Variants in NRXN3 observed in about 807,000 individuals in gnomAD.
NRXN3 encodes the protein neurexin 3.
A neutral mutation model predicts 137.6 loss-of-function variants in NRXN3; 32 were observed. The observed-to-expected ratio is 0.23, with a 90% CI of 0.18 to 0.31. The LOEUF is 0.31. NRXN3 is among the 10% of genes least tolerant of loss of function. The pLI is 1.00. For synonymous variants in NRXN3, 798 were observed against 784.5 expected (o/e 1.02, Z -0.29); for missense variants, 1,574 against 2,062.5 (o/e 0.76, Z 4.59).
chr14:79,377,244 T>A (rs2037058627), intron 15 of NRXN3, among the ~76,000 whole-genome samples: 1 of 152,208 alleles, frequency 6.6e-6, no homozygotes, highest in Admixed American at 6.5e-5. Context: ...TTATCAACAA[T>A]GTTTCACAGA....
chr14:79,484,400 A>C (rs1276113846), intron 16 of NRXN3, among the ~76,000 whole-genome samples: 1 of 152,160 alleles, frequency 6.6e-6, no homozygotes, highest in East Asian at 1.9e-4. Flanking sequence ...GGTATTCTTT[A>C]AACCTCCTCC....
chr14:78,862,545 C>A (rs1187681041), intron 10 of NRXN3, among the ~76,000 whole-genome samples: 1 of 151,976 alleles, frequency 6.6e-6, no homozygotes, highest in African/African-American at 2.4e-5. Context: ...GTTGTATGGT[C>A]TGTTTTATTA....
chr14:79,662,732 C>T (rs1402459970), intron 16 of NRXN3, among the ~76,000 whole-genome samples: 2 of 152,068 alleles, frequency 1.3e-5, no homozygotes, highest in Non-Finnish European at 2.9e-5. Flanking sequence ...GGAAGAGTCT[C>T]ACATGACAGG....
At chr14:78,312,014 G>T in intron 4 of NRXN3, among the ~76,000 whole-genome samples, 1 of 152,124 alleles carries the variant, frequency 6.6e-6, no homozygotes, top group East Asian at 1.9e-4. Context: ...TCGGGACTTA[G>T]AACAGACTTT....
intron 15 of NRXN3, among the ~76,000 whole-genome samples, chr14:79,319,366 G>A (rs1256766615): frequency 5.3e-5 from 8 of 152,226 alleles, no homozygotes; most frequent in African/African-American, 1.9e-4. Context: ...ACCCCCCTGA[G>A]CATCTAGAAG....
intron 4 of NRXN3, among the ~76,000 whole-genome samples, chr14:78,478,097 T>C (rs148739021): frequency 6.6e-6 from 1 of 152,324 alleles, no homozygotes; most frequent in East Asian, 1.9e-4. Flanking sequence ...AAGCCAGGGT[T>C]TAATGGTTTT....
At chr14:78,994,674 A>G (rs2099526320) in intron 15 of NRXN3, among the ~76,000 whole-genome samples, 1 of 152,242 alleles carries the variant, frequency 6.6e-6, no homozygotes, top group Non-Finnish European at 1.5e-5. Flanking sequence ...TCTAGAATCA[A>G]ACTGCTTTAA....
At chr14:79,280,150 G>T in intron 15 of NRXN3, 1 of 1,480,454 alleles carries the variant, frequency 6.8e-7, no homozygotes, top group Non-Finnish European at 8.9e-7. Flanking sequence ...TCATTGTTTG[G>T]AAAGCGCATA....
chr14:78,227,096 C>A (rs2064775015), intron 1 of NRXN3, among the ~76,000 whole-genome samples: 1 of 152,126 alleles, frequency 6.6e-6, no homozygotes, highest in African/African-American at 2.4e-5. Context: ...ATTATGGTAC[C>A]ATGATTAATT....
intron 15 of NRXN3, among the ~76,000 whole-genome samples, chr14:79,057,016 T>C (rs2099666271): frequency 6.6e-6 from 1 of 152,004 alleles, no homozygotes; most frequent in Admixed American, 6.5e-5. Flanking sequence ...GATTGCCTTG[T>C]ATGTTATAAG....
At chr14:78,309,082 T>C (rs1342862980) in intron 4 of NRXN3, among the ~76,000 whole-genome samples, 1 of 152,150 alleles carries the variant, frequency 6.6e-6, no homozygotes, top group African/African-American at 2.4e-5. Context: ...AAACCTAGAC[T>C]TATTAAACCT....
chr14:79,319,294 A>C (rs894265722), intron 15 of NRXN3, among the ~76,000 whole-genome samples: 1 of 152,208 alleles, frequency 6.6e-6, no homozygotes. Flanking sequence ...TTGAGCTAGA[A>C]GCAGCTATAA....
intron 15 of NRXN3, among the ~76,000 whole-genome samples, chr14:79,174,417 G>A (rs1050418234): frequency 2.0e-5 from 3 of 151,476 alleles, no homozygotes; most frequent in East Asian, 1.9e-4. Context: ...TCCTATTGCC[G>A]TTTGAGATGT....
At chr14:78,521,654 GA>G (rs1401147225) in intron 4 of NRXN3, among the ~76,000 whole-genome samples, 1 of 152,104 alleles carries the variant, frequency 6.6e-6, no homozygotes, top group Admixed American at 6.6e-5. Context: ...TAGGGGAGAT[GA>G]ATGATATATC....
intron 16 of NRXN3, among the ~76,000 whole-genome samples, chr14:79,567,939 A>C (rs79409899): frequency 0.11 from 17,378 of 152,138 alleles, 1,130 homozygotes; most frequent in South Asian, 0.23. Flanking sequence ...GGCTGAAATC[A>C]CAGCACTTAG....
chr14:78,837,793 G>C (rs146387422), intron 10 of NRXN3, among the ~76,000 whole-genome samples: 2 of 152,096 alleles, frequency 1.3e-5, no homozygotes, highest in African/African-American at 4.8e-5. Context: ...CCACCTTTGC[G>C]TGTTGTTATG....
intron 4 of NRXN3, among the ~76,000 whole-genome samples, chr14:78,514,220 A>C (rs1475081421): frequency 6.6e-6 from 1 of 152,164 alleles, no homozygotes; most frequent in Admixed American, 6.5e-5. Context: ...ACAGAGTTGT[A>C]TATAGTATAA....
chr14:78,883,535 CTG>C (rs1353268255), intron 10 of NRXN3, among the ~76,000 whole-genome samples: 1 of 152,178 alleles, frequency 6.6e-6, no homozygotes, highest in Non-Finnish European at 1.5e-5. Context: ...TTCATCTAGA[CTG>C]TGTGTCAGAT....
Position 79,036,593 on chromosome 14 carries a change from GTTTTTTTTTTTTTTT to G in NRXN3, c.3262+48471_3262+48485del, listed in dbSNP as rs57154485. The stretch of plus-strand genomic sequence containing the variant: ...TTTTATTGTATTGTTTTCGTTTTGG[GTTTTTTTTTTTTTTT>G]TTTTTTTTTTTTTTTTTTAAGGAAG... On this transcript the variant is annotated intron_variant, in intron 15 of 20. Coordinates refer to ENST00000335750, the MANE Select transcript of NRXN3 (RefSeq NM_001330195.2). Among the ~76,000 whole-genome samples the G allele has an allele frequency of 1.8e-3, 186 of 101,658 alleles. 3 individuals carry two copies. The highest frequency in any genetic ancestry group is 6.4e-3 in the African/African-American group (178 of 27,712). 66.7% of individuals were successfully genotyped at this position (101,658 alleles called of 152,430 possible).
Sources: gnomAD v4.1 joint callset for allele counts (sites outside exome capture counted in the v4.1 genomes callset) on GRCh38, gnomAD v4.1.1 for gene constraint, MANE v1.5 for transcripts, NCBI Gene and HGNC (gene_info 2026-07-23, HGNC 2026-07-21) for gene names.